The following MITF variants were observed in gnomAD, a reference collection of about 807,000 sequenced individuals.
MITF encodes the protein melanocyte inducing transcription factor.
A neutral mutation model predicts 60.5 loss-of-function variants in MITF; 17 were observed. The observed-to-expected ratio is 0.28, with a 90% confidence interval of 0.19 to 0.42. The LOEUF (loss-of-function observed/expected upper bound fraction) is 0.42. Ranked by LOEUF, MITF falls within the 10% of genes least tolerant of loss-of-function variation. The probability of loss-of-function intolerance (pLI) is 1.00; values close to 1 mark genes in which losing one functional copy is unlikely to be tolerated. For synonymous variants in MITF, 260 were observed against 248.5 expected (o/e 1.05, Z -0.43); for missense variants, 622 against 683.5 (o/e 0.91, Z 1.00).
chr3:69,952,586 G>A (rs895935634), intron 7 of MITF, among the ~76,000 whole-genome samples: 2 of 152,084 alleles, frequency 1.3e-5, no homozygotes, highest in Non-Finnish European at 2.9e-5. Context: ...TTTTAAGAAT[G>A]TGAGTCATAT....
At chr3:69,817,967 C>G (rs1405408501) in intron 1 of MITF, among the ~76,000 whole-genome samples, 2 of 152,080 alleles carry the variant, frequency 1.3e-5, no homozygotes, top group Non-Finnish European at 2.9e-5. Flanking sequence ...GAACACCTTC[C>G]TTTTGTAAAC....
At chr3:69,872,239 T>C (rs1421859277) in intron 1 of MITF, among the ~76,000 whole-genome samples, 1 of 152,180 alleles carries the variant, frequency 6.6e-6, no homozygotes, top group Non-Finnish European at 1.5e-5. Context: ...GCAAAGTTCA[T>C]ATCCTTAGTT....
intron 2 of MITF, among the ~76,000 whole-genome samples, chr3:69,914,312 G>A (rs1468458705): frequency 6.6e-6 from 1 of 152,128 alleles, no homozygotes; most frequent in African/African-American, 2.4e-5. Context: ...AGTAGAGACA[G>A]GGTTTCACCA....
intron 1 of MITF, among the ~76,000 whole-genome samples, chr3:69,807,676 G>A (rs7611020): frequency 0.5 from 76,678 of 152,056 alleles, 20,967 homozygotes; most frequent in Non-Finnish European, 0.63. Context: ...TGGTGGATAA[G>A]CCACTTTGAT....
chr3:69,959,791 T>C, intron 9 of MITF, among the ~76,000 whole-genome samples: 1 of 152,228 alleles, frequency 6.6e-6, no homozygotes. Flanking sequence ...TGGTTTCTGT[T>C]GGTGATTTCG....
chr3:69,938,710 T>C lies in MITF; in HGVS notation c.583-388T>C, dbSNP rs1157007005. On this transcript the variant is annotated intron_variant, in intron 3 of 9. Transcript: ENST00000352241. ...TCAAAATTTGCAGCATACAAATACC[T>C]GAGAGCTGTGATTTAATGCTCATTA... 7 of 1,307,496 alleles carry C rather than the reference T, an allele frequency of 5.4e-6. No individual in the cohort carries two copies. The African/African-American group carries it at 8.9e-5, about 17-fold the overall frequency. 81.0% of individuals were successfully genotyped at this position (1,307,496 alleles called of 1,614,324 possible).
intron 1 of MITF, among the ~76,000 whole-genome samples, chr3:69,824,789 G>T (rs1320105624): frequency 1.3e-5 from 2 of 152,128 alleles, no homozygotes; most frequent in Non-Finnish European, 1.5e-5. Flanking sequence ...CCTCTCCTTG[G>T]GCTGTTTTGT....
chr3:69,935,465 T>C (rs926601277), intron 2 of MITF, among the ~76,000 whole-genome samples: 3 of 152,208 alleles, frequency 2.0e-5, no homozygotes, highest in Non-Finnish European at 4.4e-5. Flanking sequence ...ATTGCCCTCA[T>C]TTTATGTTTA....
intron 7 of MITF, among the ~76,000 whole-genome samples, chr3:69,955,863 C>T (rs928122686): frequency 1.3e-5 from 2 of 152,070 alleles, no homozygotes; most frequent in African/African-American, 4.8e-5. Context: ...AAAGTATATA[C>T]AACGCAAATT....
chr3:69,927,237 G>A (rs775622905), intron 2 of MITF, among the ~76,000 whole-genome samples: 4 of 151,716 alleles, frequency 2.6e-5, no homozygotes, highest in Non-Finnish European at 2.9e-5. Flanking sequence ...TGAACTTTCC[G>A]TCTCATTAAA....
chr3:69,955,329 A>G (rs1311621629), intron 7 of MITF, among the ~76,000 whole-genome samples: 1 of 152,218 alleles, frequency 6.6e-6, no homozygotes, highest in Non-Finnish European at 1.5e-5. Flanking sequence ...GCCTGTTAAA[A>G]TAATAATATT....
At chr3:69,958,662 C>T (rs2066461008) in intron 8 of MITF, among the ~76,000 whole-genome samples, 1 of 151,440 alleles carries the variant, frequency 6.6e-6, no homozygotes, top group Non-Finnish European at 1.5e-5. Flanking sequence ...ATCGTTTATT[C>T]TCACTGAGTT....
At chr3:69,799,719 A>G (rs910746274) in intron 1 of MITF, among the ~76,000 whole-genome samples, 1 of 152,046 alleles carries the variant, frequency 6.6e-6, no homozygotes, top group East Asian at 1.9e-4. Context: ...ACTCTGATGT[A>G]ATCTCCTTAG....
At chr3:69,925,612 T>TA (rs1193672004) in intron 2 of MITF, among the ~76,000 whole-genome samples, 2 of 152,210 alleles carry the variant, frequency 1.3e-5, no homozygotes, top group African/African-American at 4.8e-5. Flanking sequence ...TAGTAGAGAA[T>TA]AAAAATCAAA....
Position 69,968,281 on chromosome 3 carries a change from A to G in MITF, c.*3033A>G, listed in dbSNP as rs139770177. On this transcript the variant is annotated 3_prime_UTR_variant, in exon 10 of 10. Coordinates refer to ENST00000352241, the MANE Select transcript of MITF (RefSeq NM_001354604.2). Reference sequence around the variant, plus strand: ...TTATGGATCGATATTAATGTATCCAATGAAATAATCGACTTGTTCTTGATA... The same window carrying G: ...TTATGGATCGATATTAATGTATCCAGTGAAATAATCGACTTGTTCTTGATA... 254 of 230,438 alleles carry G rather than the reference A, an allele frequency of 1.1e-3. No homozygotes were observed. The highest frequency in any genetic ancestry group is 4.4e-3 in the African/African-American group (201 of 45,304). 14.3% of individuals were successfully genotyped at this position (230,438 alleles called of 1,614,324 possible).
At chr3:69,964,151 A>G (rs942480745) in intron 9 of MITF, among the ~76,000 whole-genome samples, 4 of 151,246 alleles carry the variant, frequency 2.6e-5, no homozygotes, top group Non-Finnish European at 5.9e-5. Context: ...TAATTTTTGT[A>G]TTTTTAGTGG....
At chr3:69,768,335 A>G (rs1173131817) in intron 1 of MITF, among the ~76,000 whole-genome samples, 2 of 152,238 alleles carry the variant, frequency 1.3e-5, no homozygotes, top group Non-Finnish European at 2.9e-5. Flanking sequence ...ACACAGACAC[A>G]TGCTCACATA....
At chr3:69,790,807 AG>A (rs1484281855) in intron 1 of MITF, among the ~76,000 whole-genome samples, 1 of 151,422 alleles carries the variant, frequency 6.6e-6, no homozygotes, top group East Asian at 1.9e-4. Flanking sequence ...TTTCAGTCCT[AG>A]GCATGAAATT....
At chr3:69,950,809 C>CTGTTT in intron 6 of MITF, among the ~76,000 whole-genome samples, 1 of 151,898 alleles carries the variant, frequency 6.6e-6, no homozygotes, top group East Asian at 1.9e-4. Context: ...GTTTTTAATT[C>CTGTTT]TGTTTTGTTT....
Sources: allele counts gnomAD v4.1 joint callset (sites outside exome capture counted in the v4.1 genomes callset), GRCh38; gene constraint gnomAD v4.1.1; transcripts MANE v1.5; gene names NCBI Gene and HGNC (gene_info 2026-07-23, HGNC 2026-07-21).